EDIL3: variants seen among roughly 807,000 people sequenced by gnomAD.
EDIL3 encodes the protein EGF-like repeat and discoidin I-like domain-containing protein 3.
Under a neutral mutation model 67.4 loss-of-function variants are expected in EDIL3, and 37 were observed. The observed-to-expected ratio is 0.55, with a 90% CI of 0.42 to 0.72. EDIL3 has a LOEUF of 0.72. Among genes scored for constraint, EDIL3 ranks in the 30% least tolerant of loss-of-function variants. The pLI, the probability that EDIL3 is intolerant of heterozygous loss-of-function variation, is 0.00. For synonymous variants in EDIL3, 195 were observed against 196.3 expected (o/e 0.99, Z 0.05); for missense variants, 527 against 586.3 (o/e 0.90, Z 1.04).
chr5:84,117,017 C>CT (rs1165510374), intron 5 of EDIL3, among the ~76,000 whole-genome samples: 24 of 93,112 alleles, frequency 2.6e-4, no homozygotes, highest in African/African-American at 6.3e-4. Context: ...AAGTTAAGTA[C>CT]TTATTTTTTT....
intron 9 of EDIL3, among the ~76,000 whole-genome samples, chr5:84,031,614 C>T (rs1038332842): frequency 2.6e-5 from 4 of 152,176 alleles, no homozygotes; most frequent in Non-Finnish European, 4.4e-5. Context: ...TGCTGTCTAC[C>T]ATGTGAGGAC....
chr5:84,079,438 G>C (rs1746923587), intron 6 of EDIL3, among the ~76,000 whole-genome samples: 1 of 152,064 alleles, frequency 6.6e-6, no homozygotes, highest in South Asian at 2.1e-4. Context: ...GTGTAAGAGT[G>C]TGCAGTAACT....
intron 5 of EDIL3, among the ~76,000 whole-genome samples, chr5:84,121,411 T>C (rs1747771251): frequency 1.3e-5 from 2 of 151,964 alleles, no homozygotes; most frequent in African/African-American, 4.8e-5. Context: ...GCCAATTCTG[T>C]TGTAGCCCAG....
chr5:84,104,368 C>T (rs913385934), intron 6 of EDIL3, among the ~76,000 whole-genome samples: 6 of 151,128 alleles, frequency 4.0e-5, no homozygotes, highest in African/African-American at 1.2e-4. Context: ...TGCACATGTA[C>T]CCCTGAACCT....
chr5:84,065,151 A>G (rs1416942540), intron 7 of EDIL3, among the ~76,000 whole-genome samples: 1 of 152,114 alleles, frequency 6.6e-6, no homozygotes, highest in Non-Finnish European at 1.5e-5. Flanking sequence ...TGAGAAATGG[A>G]CACCTTAAAT....
intron 9 of EDIL3, among the ~76,000 whole-genome samples, chr5:83,968,771 A>G (rs981461693): frequency 2.0e-5 from 3 of 152,006 alleles, no homozygotes; most frequent in Non-Finnish European, 4.4e-5. Flanking sequence ...TATAACTATT[A>G]ATTTTTAAAA....
chr5:84,273,520 A>G (rs1209260835), intron 1 of EDIL3, among the ~76,000 whole-genome samples: 2 of 152,194 alleles, frequency 1.3e-5, no homozygotes, highest in Non-Finnish European at 2.9e-5. Context: ...GCATTAAAGA[A>G]GTTAATATTC....
At chr5:84,188,220 G>A (rs1311811032) in intron 3 of EDIL3, among the ~76,000 whole-genome samples, 2 of 151,846 alleles carry the variant, frequency 1.3e-5, no homozygotes, top group African/African-American at 4.8e-5. Context: ...ACATTCCCAG[G>A]CTAATGTAAA....
intron 1 of EDIL3, among the ~76,000 whole-genome samples, chr5:84,288,439 T>C (rs1015477841): frequency 1.2e-4 from 18 of 152,174 alleles, no homozygotes; most frequent in African/African-American, 4.3e-4. Flanking sequence ...GCTTCCCCTT[T>C]GGTTAAAATT....
chr5:84,307,511 G>T (rs966403959), intron 1 of EDIL3, among the ~76,000 whole-genome samples: 2 of 152,160 alleles, frequency 1.3e-5, no homozygotes, highest in Non-Finnish European at 2.9e-5. Flanking sequence ...ATAAAAATCA[G>T]TATAGTTTCT....
At chr5:84,280,947 CAAAAAAAAAAAAAA>C (rs11302104) in intron 1 of EDIL3, among the ~76,000 whole-genome samples, 7 of 70,200 alleles carry the variant, frequency 1.0e-4, no homozygotes, top group Non-Finnish European at 1.8e-4. Flanking sequence ...AAGACTCTGT[CAAAAAAAAAAAAAA>C]AAAAAAAAAG....
chr5:84,130,127 T>C (rs906777866), intron 5 of EDIL3, among the ~76,000 whole-genome samples: 8 of 152,190 alleles, frequency 5.3e-5, no homozygotes, highest in Non-Finnish European at 1.0e-4. Flanking sequence ...TACATTCTTA[T>C]GGTCTCGGCT....
intron 10 of EDIL3, among the ~76,000 whole-genome samples, chr5:83,944,396 C>CT (rs35919017): frequency 0.039 from 4,603 of 117,066 alleles, 156 homozygotes; most frequent in African/African-American, 0.094. Context: ...TGTAAAAATG[C>CT]TTTTTTTTTT....
At chr5:84,006,989 C>G (rs1277243555) in intron 9 of EDIL3, among the ~76,000 whole-genome samples, 1 of 151,990 alleles carries the variant, frequency 6.6e-6, no homozygotes, top group African/African-American at 2.4e-5. Context: ...ATCCATACAT[C>G]TACAGTAAAC....
At chr5:84,221,291 T>A (rs534638545) in intron 3 of EDIL3, among the ~76,000 whole-genome samples, 1 of 152,260 alleles carries the variant, frequency 6.6e-6, no homozygotes, top group Non-Finnish European at 1.5e-5. Context: ...AGATGATAGA[T>A]TATACAACTA....
At chr5:84,100,392 C>T (rs566640513) in intron 6 of EDIL3, among the ~76,000 whole-genome samples, 1 of 152,190 alleles carries the variant, frequency 6.6e-6, no homozygotes, top group Non-Finnish European at 1.5e-5. Flanking sequence ...TACTATGCAG[C>T]CACAAAGAAG....
At position 84,228,258 on chromosome 5, in the gene EDIL3, G is replaced by A. The variant is rs575869547; in HGVS notation, c.226+1597C>T. ...AAGAGACTAGGGGTAAAAAGAGATA[G>A]CAACCTTACTTTTAACCACAAACCC... is the stretch of plus-strand genomic sequence containing the variant. On this transcript the variant is annotated intron_variant, in intron 3 of 10. Transcript: ENST00000296591. 2.0e-4 allele frequency among the ~76,000 whole-genome samples: 31 copies of A among 151,996 alleles called. 1 individual carries two copies. The highest frequency in any genetic ancestry group is 3.8e-4 in the Non-Finnish European group (26 of 67,954).
intron 1 of EDIL3, among the ~76,000 whole-genome samples, chr5:84,256,463 C>T (rs770823737): frequency 4.6e-5 from 7 of 152,186 alleles, no homozygotes; most frequent in Non-Finnish European, 8.8e-5. Context: ...GAGGAGAGAG[C>T]GTATGCTTAA....
chr5:84,134,391 G>C (rs1036562084), intron 5 of EDIL3, among the ~76,000 whole-genome samples: 4 of 152,094 alleles, frequency 2.6e-5, no homozygotes, highest in African/African-American at 7.2e-5. Flanking sequence ...TGCCCTCTGG[G>C]ACATGCATGA....
Sources: gnomAD v4.1 joint callset for allele counts (sites outside exome capture counted in the v4.1 genomes callset) on GRCh38, gnomAD v4.1.1 for gene constraint, MANE v1.5 for transcripts, NCBI Gene and HGNC (gene_info 2026-07-23, HGNC 2026-07-21) for gene names.